The following CNOT10 variants were observed in gnomAD, a reference collection of about 807,000 sequenced individuals.
The protein encoded by CNOT10 is CCR4-NOT transcription complex subunit 10, also known as CCR4-NOT transcription complex, subunit 10.
CNOT10 carries 30 observed loss-of-function variants against 94.6 expected under a neutral mutation model. The ratio of observed to expected loss-of-function variants is 0.32; its 90% CI spans 0.24 to 0.43. CNOT10 has a LOEUF of 0.43. Among genes scored for constraint, CNOT10 ranks in the 20% least tolerant of loss-of-function variants. CNOT10 has a pLI of 1.00. For missense variants in CNOT10, 759 were observed against 877.2 expected (o/e 0.87, Z 1.70); for synonymous variants, 289 against 301.6 (o/e 0.96, Z 0.43).
Position 32,759,553 on chromosome 3 carries a change from A to C in CNOT10, c.1691A>C (p.Lys564Thr), listed in dbSNP as rs549353183. The C allele has an allele frequency of 3.1e-6, 5 of 1,613,622 alleles. No individual in the cohort carries two copies. The African/African-American group carries it at 5.3e-5, about 17-fold the overall frequency. The change falls in exon 14 of 19, where the codon AAG becomes ACG. Residue 564 changes from lysine (K) to threonine (T), a missense_variant. This residue lies in a region of CNOT10 where 682 missense variants were observed against 799.4 expected (regional missense o/e 0.85). Transcript: ENST00000328834. Reference sequence around the variant, plus strand: ...GCAGATAAACTTCTTCAGCAGCCCAAGCTGTCAGGATCTCTTAAGTAAGTG... The same window carrying C: ...GCAGATAAACTTCTTCAGCAGCCCACGCTGTCAGGATCTCTTAAGTAAGTG... ...NHADKLLQQP[K>T]LSGSLKFLGH...
At chr3:32,771,182 C>T (rs1234744958) in intron 18 of CNOT10, among the ~76,000 whole-genome samples, 1 of 151,838 alleles carries the variant, frequency 6.6e-6, no homozygotes, top group Non-Finnish European at 1.5e-5. Context: ...CAAAAATTAG[C>T]TGGGTGTGGT....
At chr3:32,727,112 T>A (rs938270084) in intron 9 of CNOT10, among the ~76,000 whole-genome samples, 1 of 152,068 alleles carries the variant, frequency 6.6e-6, no homozygotes, top group African/African-American at 2.4e-5. Context: ...CCCAAAGTGC[T>A]GGGATTACAG....
Position 32,727,715 on chromosome 3 carries a change from A to C in CNOT10, c.1060A>C (p.Arg354=), listed in dbSNP as rs1179903034. The C allele has an allele frequency of 6.2e-7, 1 of 1,614,118 alleles. No homozygotes were observed. Among genetic ancestry groups the C allele is most frequent in the Non-Finnish European group, 8.5e-7 (1 of 1,179,972 alleles). Reference sequence around the variant, plus strand: ...CATGTGTACGTTACTAACCAATAAGAGATATGAGTTGCTGTATAACTGTGG... The same window carrying C: ...CATGTGTACGTTACTAACCAATAAGCGATATGAGTTGCTGTATAACTGTGG... The part of the protein sequence containing the change: ...RPMCTLLTNK[R]YELLYNCGIQ... Residue 354 remains arginine, a synonymous_variant, in exon 10 of 19, where the codon AGA becomes CGA. Coordinates refer to ENST00000328834, the MANE Select transcript of CNOT10 (RefSeq NM_015442.3).
At chr3:32,723,346 T>C (rs1313599049) in intron 8 of CNOT10, among the ~76,000 whole-genome samples, 4 of 150,292 alleles carry the variant, frequency 2.7e-5, no homozygotes, top group Non-Finnish European at 5.9e-5. Flanking sequence ...GAGCTGAAAT[T>C]GCGCCACTGC....
intron 16 of CNOT10, 96 bp downstream of exon 16, chr3:32,764,586 A>G: frequency 6.2e-7 from 1 of 1,601,270 alleles, no homozygotes; most frequent in South Asian, 1.1e-5. Context: ...CCTGAGGAAT[A>G]CTGCTGTGCC....
chr3:32,738,465 C>CT (rs367907658), intron 13 of CNOT10, among the ~76,000 whole-genome samples: 2,983 of 141,744 alleles, frequency 0.021, 66 homozygotes, highest in African/African-American at 0.052. Flanking sequence ...TTTTATATTT[C>CT]TTTTTTTTTT....
In CNOT10 at chr3:32,773,632, G is replaced by A. The variant is rs774960136; in HGVS notation, c.*21G>A. ...AGTGATACTTCACTTTTGGAAAACT[G>A]TTACCTGAGACCCAGGGGAGAATTT... On this transcript the variant is annotated 3_prime_UTR_variant, in exon 19 of 19. Transcript: ENST00000328834. 4.3e-5 allele frequency: 69 copies of A among 1,595,616 alleles called. No individual in the cohort carries two copies. The highest frequency in any genetic ancestry group is 5.5e-5 in the Non-Finnish European group (64 of 1,170,520).
chr3:32,737,426 G>A lies in CNOT10; in HGVS notation c.1531G>A (p.Gly511Arg). ...CTATTTTAGCAGTAAAAGCCATGAT[G>A]GAGATAAATTCATTCCAGCTCCACC... ...SETCSSKSHD[G>R]DKFIPAPPSS... The change falls in exon 13 of 19, where the codon GGA becomes AGA. Residue 511 changes from glycine (G) to arginine (R), a missense_variant. Physicochemically the swap from Gly to Arg is moderately radical, Grantham distance 125 (BLOSUM62 -2). Coordinates refer to ENST00000328834, the MANE Select transcript of CNOT10 (RefSeq NM_015442.3). The A allele has an allele frequency of 1.2e-6, 2 of 1,608,434 alleles. No homozygotes were observed.
At chr3:32,769,498 A>G (rs936525858) in intron 17 of CNOT10, 5 of 192,132 alleles carry the variant, frequency 2.6e-5, no homozygotes, top group Admixed American at 5.3e-5. Flanking sequence ...GTATTACTAT[A>G]AGTTTGAATT....
At chr3:32,702,240 C>G (rs991368573) in intron 1 of CNOT10, among the ~76,000 whole-genome samples, 2 of 152,168 alleles carry the variant, frequency 1.3e-5, no homozygotes, top group African/African-American at 4.8e-5. Flanking sequence ...GGATTATAGG[C>G]ATGAGCCATC....
chr3:32,754,489 A>AATATATAT (rs1553637888), intron 13 of CNOT10, among the ~76,000 whole-genome samples: 43 of 70,196 alleles, frequency 6.1e-4, no homozygotes, highest in South Asian at 3.1e-3. Context: ...AAAAAAAAAA[A>AATATATAT]ATACATATAT....
rs1364898801 is a variant in CNOT10, at chr3:32,720,142, A to G, written c.773A>G (p.Asn258Ser). 1.4e-5 allele frequency: 22 copies of G among 1,539,608 alleles called. No homozygotes were observed. Among genetic ancestry groups the G allele is most frequent in the East Asian group, 2.3e-5 (1 of 44,218 alleles). Residue 258 changes from asparagine (N) to serine (S), a missense_variant, in exon 8 of 19, where the codon AAT (asparagine) becomes AGT (serine). By Grantham distance (46) the Asn-to-Ser change is conservative. Transcript: ENST00000328834. ...NSAPSLFLKS[N>S]FEYLRGNYRK... is the part of the protein sequence containing the mutation. ...GCACCCTCTCTCTTTCTTAAAAGCAATTTTGAGTACTTAAGAGGTAATTAT... is the reference window on the plus strand; with the variant it reads ...GCACCCTCTCTCTTTCTTAAAAGCAGTTTTGAGTACTTAAGAGGTAATTAT...
chr3:32,702,495 T>C (rs1697397632), intron 1 of CNOT10, among the ~76,000 whole-genome samples: 1 of 152,230 alleles, frequency 6.6e-6, no homozygotes, highest in South Asian at 2.1e-4. Context: ...TGTGAATTTA[T>C]ATGGACACTT....
intron 4 of CNOT10, among the ~76,000 whole-genome samples, chr3:32,710,396 G>C (rs1050486503): frequency 1.3e-5 from 2 of 151,182 alleles, no homozygotes; most frequent in Admixed American, 6.6e-5. Flanking sequence ...TGTGTCCTCT[G>C]CCCCAACACA....
chr3:32,690,573 G>C (rs1696806628), intron 1 of CNOT10, among the ~76,000 whole-genome samples: 1 of 151,280 alleles, frequency 6.6e-6, no homozygotes, highest in African/African-American at 2.4e-5. Flanking sequence ...TTGAGACAGA[G>C]TCTCGCTCTG....
chr3:32,758,064 T>G (rs778721628), intron 13 of CNOT10, among the ~76,000 whole-genome samples: 9 of 152,196 alleles, frequency 5.9e-5, no homozygotes, highest in Non-Finnish European at 1.2e-4. Flanking sequence ...TTGTAAGTGG[T>G]CTTGTGAGTT....
intron 4 of CNOT10, among the ~76,000 whole-genome samples, chr3:32,709,089 A>C (rs1321505539): frequency 6.6e-6 from 1 of 152,198 alleles, no homozygotes; most frequent in Non-Finnish European, 1.5e-5. Flanking sequence ...TTGCTGTTTC[A>C]ACACTATTTT....
At chr3:32,750,425 G>A (rs892959023) in intron 13 of CNOT10, among the ~76,000 whole-genome samples, 3 of 151,998 alleles carry the variant, frequency 2.0e-5, no homozygotes, top group African/African-American at 4.8e-5. Context: ...CCCGGAGGCC[G>A]AAGTTGCAGT....
In CNOT10 at chr3:32,724,686, A is replaced by G. The variant is rs941606604; in HGVS notation, c.863-764A>G. On this transcript the variant is annotated intron_variant, in intron 8 of 18. Coordinates refer to ENST00000328834, the MANE Select transcript of CNOT10 (RefSeq NM_015442.3). The stretch of plus-strand genomic sequence containing the variant: ...CTCGGCCTCCCAAAGTGCTGGGATT[A>G]CAGGCGTGAGCCACTGCGCCCAGCC... 3.9e-5 allele frequency among the ~76,000 whole-genome samples: 6 copies of G among 152,110 alleles called. 1 individual carries two copies. The South Asian group carries it at 1.2e-3, about 32-fold the overall frequency.
Sources: allele counts gnomAD v4.1 joint callset (sites outside exome capture counted in the v4.1 genomes callset), GRCh38; gene constraint gnomAD v4.1.1; regional missense constraint gnomAD v4.1.1; transcripts MANE v1.5; gene names NCBI Gene and HGNC (gene_info 2026-07-23, HGNC 2026-07-21).